Variants in TMPRSS2 observed in about 807,000 individuals in gnomAD.
TMPRSS2 encodes transmembrane protease serine 2.
Under a neutral mutation model 67.4 loss-of-function variants are expected in TMPRSS2, and 59 were observed. That is an observed-to-expected ratio of 0.88 (90% CI 0.71 to 1.09). The LOEUF (loss-of-function observed/expected upper bound fraction) is 1.09. TMPRSS2 is among the 50% of genes least tolerant of loss of function. The pLI is 0.00. For missense variants in TMPRSS2, 668 were observed against 642.7 expected, an observed-to-expected ratio of 1.04 and a Z score of -0.43; for synonymous variants, 257 against 257.0, an observed-to-expected ratio of 1.00 and a Z score of 0.00.
chr21:41,470,590 C>T (rs2091124098), intron 11 of TMPRSS2, 58 bp downstream of exon 11: 5 of 1,539,446 alleles, frequency 3.2e-6, no homozygotes, highest in South Asian at 2.3e-5. Context: ...CTCCCACTTC[C>T]GAACCCAATG....
Position 41,466,000 on chromosome 21 carries a change from A to T in TMPRSS2, c.*142T>A. On this transcript the variant is annotated 3_prime_UTR_variant, in exon 14 of 14. Transcript: ENST00000332149. ...CTGCAGCCTGCACAGAATGGCAGAG[A>T]GTGCCAAAGCCAGACAAGTTCACTG... The T allele has an allele frequency of 9.9e-7, 1 of 1,013,768 alleles. No individual in the cohort carries two copies. Among genetic ancestry groups the T allele is most frequent in the Non-Finnish European group, 1.5e-6 (1 of 671,042 alleles). 62.8% of individuals were successfully genotyped at this position (1,013,768 alleles called of 1,614,324 possible).
Position 41,486,681 on chromosome 21 carries a change from G to A in TMPRSS2, c.445+1713C>T, listed in dbSNP as rs917235717. ...GAGCCAGCTCCCTGCCATCTGCAGA[G>A]CCCCATTCCGTACGCAGCTGGCAGG... On this transcript the variant is annotated intron_variant, in intron 5 of 13. Coordinates refer to ENST00000332149, the MANE Select transcript of TMPRSS2 (RefSeq NM_005656.4). The A allele has an allele frequency of 2.0e-5, 3 of 152,312 alleles. No homozygotes were observed. In the South Asian group the frequency reaches 6.2e-4, roughly 32 times the overall value. The allele number at this position is 152,312 out of a possible 1,614,324, so 9.4% of individuals were successfully genotyped here.
intron 2 of TMPRSS2, among the ~76,000 whole-genome samples, chr21:41,494,961 C>T (rs927713682): frequency 9.9e-5 from 15 of 151,484 alleles, no homozygotes; most frequent in African/African-American, 2.4e-4. Context: ...CCCAGGTACT[C>T]GGGAGGCTGA....
chr21:41,480,392 G>A, intron 6 of TMPRSS2, 84 bp downstream of exon 6: 2 of 1,567,620 alleles, frequency 1.3e-6, no homozygotes, highest in Non-Finnish European at 1.7e-6. Context: ...ATGTGCCGGT[G>A]CTTTCACAGG....
chr21:41,471,724 T>A, intron 10 of TMPRSS2, 82 bp downstream of exon 10: 1 of 1,465,644 alleles, frequency 6.8e-7, no homozygotes, highest in Non-Finnish European at 9.2e-7. Context: ...TCCCTTCCAT[T>A]TGGCATAGCA....
intron 1 of TMPRSS2, among the ~76,000 whole-genome samples, chr21:41,507,712 G>GT (rs2091468201): frequency 6.6e-6 from 1 of 152,232 alleles, no homozygotes; most frequent in East Asian, 1.9e-4. Flanking sequence ...GCTCCCAGGC[G>GT]GGGGCCGTGG....
Position 41,468,267 on chromosome 21 carries a change from C to T in TMPRSS2, c.1314+129G>A, listed in dbSNP as rs2091101133. The T allele has an allele frequency of 3.2e-6, 4 of 1,231,896 alleles. No individual in the cohort carries two copies. In the Admixed American group the frequency reaches 8.8e-5, roughly 27 times the overall value. The allele number at this position is 1,231,896 out of a possible 1,614,324, so 76.3% of individuals were successfully genotyped here. On this transcript the variant is annotated intron_variant, in intron 12 of 13. Transcript: ENST00000332149. ...TTCGCACTGTTTGTGGCCGTCACTT[C>T]CCATGACTGCCCCGAGCTGGCTCCG...
intron 5 of TMPRSS2, among the ~76,000 whole-genome samples, chr21:41,485,081 CGTGT>C (rs10668560): frequency 0.017 from 2,350 of 140,276 alleles, 38 homozygotes; most frequent in African/African-American, 0.041. Flanking sequence ...GGGAGTGATG[CGTGT>C]GTGTGTGTGT....
chr21:41,477,883 C>T (rs1049704467), intron 7 of TMPRSS2, among the ~76,000 whole-genome samples: 24 of 141,180 alleles, frequency 1.7e-4, no homozygotes, highest in African/African-American at 5.8e-4. Context: ...GCGCCTCCCC[C>T]CACCACCACC....
At chr21:41,489,481 G>A (rs1273418661) in intron 4 of TMPRSS2, 26 bp downstream of exon 4, 4 of 1,605,296 alleles carry the variant, frequency 2.5e-6, no homozygotes, top group East Asian at 2.2e-5. Flanking sequence ...GGAGCACATG[G>A]TGGGATCGAG....
intron 3 of TMPRSS2, among the ~76,000 whole-genome samples, chr21:41,490,177 G>A (rs1174109646): frequency 2.0e-4 from 30 of 147,038 alleles, no homozygotes; most frequent in South Asian, 2.2e-4. Context: ...TATGCTAAAA[G>A]AGGGTCTTAA....
intron 1 of TMPRSS2, among the ~76,000 whole-genome samples, chr21:41,500,064 G>A (rs992614508): frequency 6.6e-6 from 1 of 152,142 alleles, no homozygotes; most frequent in African/African-American, 2.4e-5. Flanking sequence ...TGCTCAAACA[G>A]CAGCAGGCAG....
chr21:41,494,889 T>C (rs1803567363), intron 2 of TMPRSS2, among the ~76,000 whole-genome samples: 1 of 151,852 alleles, frequency 6.6e-6, no homozygotes. Context: ...GCCAACATGG[T>C]GGATCCCTGT....
chr21:41,468,709 G>A (rs968569218), intron 11 of TMPRSS2, 171 bp from the exon 12 acceptor site: 1 of 670,676 alleles, frequency 1.5e-6, no homozygotes, highest in African/African-American at 1.8e-5. Context: ...TGGGAAACCT[G>A]GATTCTCCTT....
chr21:41,490,169 T>C (rs1479095923), intron 3 of TMPRSS2, among the ~76,000 whole-genome samples: 1 of 144,824 alleles, frequency 6.9e-6, no homozygotes, highest in African/African-American at 2.6e-5. Context: ...AAAGATAGTA[T>C]GCTAAAAGAG....
chr21:41,494,623 C>A (rs1185694386), intron 2 of TMPRSS2, 45 bp from the exon 3 acceptor site: 1 of 1,548,498 alleles, frequency 6.5e-7, no homozygotes, highest in African/African-American at 1.4e-5. Flanking sequence ...CTCTTATTTG[C>A]ACTAAAGGGT....
chr21:41,502,661 C>T, intron 1 of TMPRSS2: 1 of 842,736 alleles, frequency 1.2e-6, no homozygotes, highest in Non-Finnish European at 1.4e-6. Flanking sequence ...AGTTAGCCAA[C>T]AGTGGATTTC....
chr21:41,475,035 G>A (rs1267733603), intron 8 of TMPRSS2, among the ~76,000 whole-genome samples: 1 of 1,026 alleles, frequency 9.7e-4, no homozygotes, highest in Non-Finnish European at 3.3e-3. Flanking sequence ...TGAGGGGGTG[G>A]GTGAGGGGTG....
intron 1 of TMPRSS2, among the ~76,000 whole-genome samples, chr21:41,507,345 C>T (rs1484859178): frequency 1.3e-5 from 2 of 152,136 alleles, no homozygotes; most frequent in Admixed American, 6.5e-5. Flanking sequence ...GGAGCCAGAC[C>T]GGCTCCTCCC....
Sources: gnomAD v4.1 joint callset for allele counts (sites outside exome capture counted in the v4.1 genomes callset) on GRCh38, gnomAD v4.1.1 for gene constraint, MANE v1.5 for transcripts, NCBI Gene and HGNC (gene_info 2026-07-23, HGNC 2026-07-21) for gene names.